NUBPL: variants seen among roughly 807,000 people sequenced by gnomAD.
NUBPL encodes the protein NUBP iron-sulfur cluster assembly factor, mitochondrial.
A neutral mutation model predicts 45.7 loss-of-function variants in NUBPL; 31 were observed. That is an observed-to-expected ratio of 0.68 (90% confidence interval 0.51 to 0.92). The LOEUF (loss-of-function observed/expected upper bound fraction) is 0.92, where lower values mean the gene tolerates loss of function less well. Among genes scored for constraint, NUBPL ranks in the 40% least tolerant of loss-of-function variants. NUBPL has a pLI of 0.00. For missense variants in NUBPL, 401 were observed against 398.7 expected, an observed-to-expected ratio of 1.01 and a Z score of -0.05; for synonymous variants, 144 against 140.9, an observed-to-expected ratio of 1.02 and a Z score of -0.15.
chr14:31,616,520 A>T (rs76807243), intron 4 of NUBPL, among the ~76,000 whole-genome samples: 46,902 of 151,702 alleles, frequency 0.31, 7,826 homozygotes, highest in South Asian at 0.41. Flanking sequence ...ACTGTTTATT[A>T]AATAGGGAAT....
At chr14:31,713,530 T>G (rs982100965) in intron 6 of NUBPL, among the ~76,000 whole-genome samples, 36 of 152,320 alleles carry the variant, frequency 2.4e-4, no homozygotes, top group African/African-American at 8.2e-4. Context: ...CAGTTTAGAA[T>G]GGATTCAGCA....
chr14:31,640,353 A>C (rs1195966634), intron 4 of NUBPL, among the ~76,000 whole-genome samples: 3 of 152,192 alleles, frequency 2.0e-5, no homozygotes, highest in Non-Finnish European at 4.4e-5. Context: ...CGCGCCCAGC[A>C]CTTCGGGAGG....
At chr14:31,701,144 G>A (rs968663951) in intron 6 of NUBPL, among the ~76,000 whole-genome samples, 2 of 117,006 alleles carry the variant, frequency 1.7e-5, no homozygotes, top group South Asian at 2.9e-4. Context: ...AATCTGGTGG[G>A]GACTTGGAGA....
intron 10 of NUBPL, among the ~76,000 whole-genome samples, chr14:31,857,259 C>A (rs1339013685): frequency 6.6e-6 from 1 of 152,180 alleles, no homozygotes; most frequent in Non-Finnish European, 1.5e-5. Flanking sequence ...ATGGCTGGAG[C>A]AGCTGAGGAG....
At chr14:31,707,326 G>C (rs2037475122) in intron 6 of NUBPL, among the ~76,000 whole-genome samples, 1 of 152,242 alleles carries the variant, frequency 6.6e-6, no homozygotes, top group East Asian at 1.9e-4. Flanking sequence ...ATTATCAATT[G>C]TGGGTTTTAA....
chr14:31,816,201 C>T (rs2039912352), intron 7 of NUBPL, among the ~76,000 whole-genome samples: 1 of 152,142 alleles, frequency 6.6e-6, no homozygotes, highest in South Asian at 2.1e-4. Context: ...ACTACTGCCT[C>T]AGTTTCAGAA....
chr14:31,715,196 A>G (rs112864038), intron 6 of NUBPL, among the ~76,000 whole-genome samples: 3 of 152,322 alleles, frequency 2.0e-5, no homozygotes, highest in African/African-American at 7.2e-5. Context: ...CCCTAATACT[A>G]CATTCTCTTG....
chr14:31,791,002 C>T (rs775109447), intron 7 of NUBPL, among the ~76,000 whole-genome samples: 4 of 152,106 alleles, frequency 2.6e-5, no homozygotes, highest in African/African-American at 7.2e-5. Context: ...GATGTAGTGG[C>T]TCATGCCTGT....
At chr14:31,691,270 A>G (rs961558715) in intron 6 of NUBPL, among the ~76,000 whole-genome samples, 2 of 152,218 alleles carry the variant, frequency 1.3e-5, no homozygotes, top group Non-Finnish European at 1.5e-5. Flanking sequence ...CTTAATGAAT[A>G]GTAAATATAT....
intron 6 of NUBPL, among the ~76,000 whole-genome samples, chr14:31,759,160 G>A (rs1156235024): frequency 6.6e-6 from 1 of 152,066 alleles, no homozygotes; most frequent in Non-Finnish European, 1.5e-5. Context: ...TGCCAGGACA[G>A]TTTTTATTCT....
At chr14:31,775,810 A>G (rs2039088799) in intron 6 of NUBPL, among the ~76,000 whole-genome samples, 1 of 152,048 alleles carries the variant, frequency 6.6e-6, no homozygotes, top group Non-Finnish European at 1.5e-5. Context: ...GGAGCCTGAA[A>G]GAGAACTGAG....
rs886050471 is a variant in NUBPL at position 31,861,020 on chromosome 14, A to G, written c.*1840A>G. On this transcript the variant is annotated 3_prime_UTR_variant, in exon 11 of 11. Transcript: ENST00000281081. ...AGAGAATTGGGCGTGGCTGTGAGAA[A>G]CATGAGGGATCCTTGTGATGATGGA... 7 of 152,162 alleles carry G rather than the reference A, an allele frequency of 4.6e-5. No individual in the cohort carries two copies. The highest frequency in any genetic ancestry group is 8.8e-5 in the Non-Finnish European group (6 of 68,036). The allele number at this position is 152,162 out of a possible 1,614,324, so 9.4% of individuals were successfully genotyped here.
intron 4 of NUBPL, 62 bp downstream of exon 4, chr14:31,599,441 G>T: frequency 8.8e-7 from 1 of 1,135,356 alleles, no homozygotes. Context: ...CTTACTGGGT[G>T]TCAGACATTA....
intron 3 of NUBPL, among the ~76,000 whole-genome samples, chr14:31,592,172 TG>T (rs1282933708): frequency 6.6e-6 from 1 of 152,124 alleles, no homozygotes; most frequent in Non-Finnish European, 1.5e-5. Context: ...AAGGAAGAGC[TG>T]GGGCAAAGGC....
chr14:31,762,857 GA>G (rs2038842369), intron 6 of NUBPL, among the ~76,000 whole-genome samples: 1 of 151,884 alleles, frequency 6.6e-6, no homozygotes, highest in Admixed American at 6.6e-5. Flanking sequence ...CAGATTCATA[GA>G]TAATTGCTGC....
chr14:31,617,206 A>G (rs1462427082), intron 4 of NUBPL, among the ~76,000 whole-genome samples: 1 of 152,182 alleles, frequency 6.6e-6, no homozygotes, highest in Non-Finnish European at 1.5e-5. Context: ...ATATACAATC[A>G]TGTCATCTGC....
At position 31,851,691 on chromosome 14, in the gene NUBPL, A is replaced by G. The variant is rs924631406; in HGVS notation, c.897+1490A>G. 2.6e-5 allele frequency among the ~76,000 whole-genome samples: 4 copies of G among 152,130 alleles called. No homozygotes were observed. The East Asian group carries it at 7.7e-4, about 29-fold the overall frequency. ...TGGTAATTAAAGTCTGCCAATCCCA[A>G]CTACCATAGCTGTACTTTATGCAAT... On this transcript the variant is annotated intron_variant, in intron 10 of 10. Transcript: ENST00000281081.
intron 4 of NUBPL, among the ~76,000 whole-genome samples, chr14:31,604,241 A>C (rs900405383): frequency 6.6e-6 from 1 of 152,078 alleles, no homozygotes; most frequent in Non-Finnish European, 1.5e-5. Context: ...CCAAGAAATA[A>C]ACTGAATGAT....
At chr14:31,757,597 T>C (rs1480978877) in intron 6 of NUBPL, among the ~76,000 whole-genome samples, 1 of 152,124 alleles carries the variant, frequency 6.6e-6, no homozygotes, top group Non-Finnish European at 1.5e-5. Flanking sequence ...TACATGTAGA[T>C]GAAATGATAT....
Sources: allele counts gnomAD v4.1 joint callset (sites outside exome capture counted in the v4.1 genomes callset), GRCh38; gene constraint gnomAD v4.1.1; transcripts MANE v1.5; gene names NCBI Gene and HGNC (gene_info 2026-07-23, HGNC 2026-07-21).